Variants in GPC6 observed in about 807,000 individuals in gnomAD.
The protein encoded by GPC6 is glypican-6.
In GPC6, 14 loss-of-function variants were observed where a neutral mutation model predicts 55.2. The observed-to-expected ratio is 0.25, with a 90% CI of 0.17 to 0.40. The LOEUF (loss-of-function observed/expected upper bound fraction) is 0.40. Among genes scored for constraint, GPC6 ranks in the 10% least tolerant of loss-of-function variants. The pLI is 1.00. For missense variants in GPC6, 641 were observed against 708.5 expected (o/e 0.90, Z 1.08); for synonymous variants, 278 against 259.6 (o/e 1.07, Z -0.68).
chr13:93,447,049 A>C (rs745306700), intron 1 of GPC6, among the ~76,000 whole-genome samples: 10 of 151,912 alleles, frequency 6.6e-5, no homozygotes, highest in Non-Finnish European at 1.5e-4. Context: ...GTAAGCAAGA[A>C]TTAAGTAGGA....
intron 4 of GPC6, among the ~76,000 whole-genome samples, chr13:94,063,609 T>C (rs1175470275): frequency 6.6e-6 from 1 of 152,162 alleles, no homozygotes; most frequent in African/African-American, 2.4e-5. Context: ...CATGAAGTAA[T>C]ATATTCAAAA....
chr13:94,360,852 C>T (rs1015177925), intron 6 of GPC6, among the ~76,000 whole-genome samples: 1 of 152,208 alleles, frequency 6.6e-6, no homozygotes, highest in Non-Finnish European at 1.5e-5. Context: ...TGGGCCCCCA[C>T]TGCCAAGGCT....
intron 6 of GPC6, among the ~76,000 whole-genome samples, chr13:94,370,604 C>A (rs1483565922): frequency 6.6e-6 from 1 of 152,164 alleles, no homozygotes; most frequent in Non-Finnish European, 1.5e-5. Flanking sequence ...ATTTTCTTGT[C>A]TCATTAAATC....
At chr13:93,532,022 C>G (rs1259920971) in intron 1 of GPC6, among the ~76,000 whole-genome samples, 1 of 152,186 alleles carries the variant, frequency 6.6e-6, no homozygotes, top group Non-Finnish European at 1.5e-5. Flanking sequence ...GTAGTTTCTG[C>G]ACTTTTCTAC....
At chr13:93,775,750 C>G (rs1240806000) in intron 2 of GPC6, among the ~76,000 whole-genome samples, 1 of 152,098 alleles carries the variant, frequency 6.6e-6, no homozygotes, top group Non-Finnish European at 1.5e-5. Flanking sequence ...ACTAGTCTTA[C>G]TTTGCCTTAA....
intron 4 of GPC6, among the ~76,000 whole-genome samples, chr13:94,063,971 A>AT (rs1355049985): frequency 6.6e-6 from 1 of 152,200 alleles, no homozygotes; most frequent in African/African-American, 2.4e-5. Flanking sequence ...AGAGCTGAGT[A>AT]TATTAGCTGG....
intron 1 of GPC6, among the ~76,000 whole-genome samples, chr13:93,232,178 T>C (rs1876085303): frequency 6.6e-6 from 1 of 152,202 alleles, no homozygotes; most frequent in Non-Finnish European, 1.5e-5. Flanking sequence ...TCTTACTCTT[T>C]AAAGCCACAG....
chr13:93,551,564 C>G (rs1241630721), intron 2 of GPC6, among the ~76,000 whole-genome samples: 1 of 152,182 alleles, frequency 6.6e-6, no homozygotes, highest in Non-Finnish European at 1.5e-5. Flanking sequence ...AGGCAGAATG[C>G]TCCTTAAAGT....
At chr13:94,355,824 G>T (rs1878766587) in intron 6 of GPC6, among the ~76,000 whole-genome samples, 1 of 152,074 alleles carries the variant, frequency 6.6e-6, no homozygotes, top group African/African-American at 2.4e-5. Flanking sequence ...GGACATGCAG[G>T]TTTGTTACAT....
chr13:93,738,184 A>G (rs1260250622), intron 2 of GPC6, among the ~76,000 whole-genome samples: 1 of 152,208 alleles, frequency 6.6e-6, no homozygotes, highest in Non-Finnish European at 1.5e-5. Flanking sequence ...GTCTTCGAAT[A>G]TATCTTCATG....
chr13:93,632,674 C>T (rs1041420014), intron 2 of GPC6, among the ~76,000 whole-genome samples: 4 of 137,878 alleles, frequency 2.9e-5, no homozygotes, highest in Non-Finnish European at 4.9e-5. Flanking sequence ...GCCACATTTT[C>T]TATTTGTGCA....
chr13:93,834,533 A>C (rs1356776567), intron 3 of GPC6, among the ~76,000 whole-genome samples: 2 of 152,182 alleles, frequency 1.3e-5, no homozygotes, highest in East Asian at 3.8e-4. Context: ...AGATATCTAA[A>C]GTTATCAATA....
intron 4 of GPC6, among the ~76,000 whole-genome samples, chr13:94,220,830 C>T (rs1220788662): frequency 6.6e-6 from 1 of 151,936 alleles, no homozygotes; most frequent in African/African-American, 2.4e-5. Flanking sequence ...CCCATAATAC[C>T]CTAATAAGTA....
intron 2 of GPC6, among the ~76,000 whole-genome samples, chr13:93,596,901 C>G (rs990573505): frequency 6.9e-6 from 1 of 145,744 alleles, no homozygotes; most frequent in African/African-American, 2.5e-5. Context: ...GTGCCAAGAT[C>G]TGCAGTTGGT....
chr13:93,900,377 G>A (rs1876278901), intron 3 of GPC6, among the ~76,000 whole-genome samples: 2 of 151,842 alleles, frequency 1.3e-5, no homozygotes, highest in South Asian at 2.1e-4. Flanking sequence ...CAAATTTCTG[G>A]GCTGACTTTC....
intron 4 of GPC6, among the ~76,000 whole-genome samples, chr13:94,099,049 T>C (rs1885759610): frequency 6.6e-6 from 1 of 152,150 alleles, no homozygotes; most frequent in South Asian, 2.1e-4. Flanking sequence ...AATTGATTAC[T>C]CTAGAGAACT....
chr13:94,209,015 C>A (rs985256301), intron 4 of GPC6, among the ~76,000 whole-genome samples: 2 of 151,930 alleles, frequency 1.3e-5, no homozygotes, highest in Non-Finnish European at 2.9e-5. Context: ...AATATATATT[C>A]ATTACATGTA....
intron 4 of GPC6, among the ~76,000 whole-genome samples, chr13:94,073,964 G>C (rs72645921): frequency 1.6e-3 from 244 of 152,190 alleles, no homozygotes; most frequent in African/African-American, 5.4e-3. Flanking sequence ...CGATAATATC[G>C]TTTAAAAATG....
chr13:93,812,803 T>C (rs1886737750), intron 2 of GPC6, among the ~76,000 whole-genome samples: 1 of 152,224 alleles, frequency 6.6e-6, no homozygotes. Flanking sequence ...AATTGCTTCA[T>C]GTATATCATG....
Sources: allele counts gnomAD v4.1 joint callset (sites outside exome capture counted in the v4.1 genomes callset), GRCh38; gene constraint gnomAD v4.1.1; transcripts MANE v1.5; gene names NCBI Gene and HGNC (gene_info 2026-07-23, HGNC 2026-07-21).